The following EVC2 variants were observed in gnomAD, a reference collection of about 807,000 sequenced individuals.
The protein encoded by EVC2 is EvC ciliary complex subunit 2.
In EVC2, 148 loss-of-function variants were observed where a neutral mutation model predicts 149.3. That is an observed-to-expected ratio of 0.99 (90% CI 0.87 to 1.14). The LOEUF (loss-of-function observed/expected upper bound fraction) is 1.14, where lower values mean the gene tolerates loss of function less well. Ranked by LOEUF, EVC2 falls within the 50% of genes most tolerant of loss-of-function variation. The probability of loss-of-function intolerance (pLI) is 0.00; values close to 1 mark genes in which losing one functional copy is unlikely to be tolerated. For missense variants in EVC2, 1,854 were observed against 1,627.3 expected, an observed-to-expected ratio of 1.14 and a Z score of -2.40; for synonymous variants, 776 against 649.9, an observed-to-expected ratio of 1.19 and a Z score of -2.95.
At chr4:5,615,606 C>G in intron 15 of EVC2, 62 bp from the exon 16 acceptor site, 1 of 1,612,732 alleles carries the variant, frequency 6.2e-7, no homozygotes, top group South Asian at 1.1e-5. Context: ...CATGCAGCTC[C>G]CCCGAGGGCT....
At chr4:5,579,751 C>T (rs1216595665) in intron 17 of EVC2, among the ~76,000 whole-genome samples, 1 of 152,058 alleles carries the variant, frequency 6.6e-6, no homozygotes, top group East Asian at 1.9e-4. Context: ...TGGGGGAGGA[C>T]AATCAATTGA....
At chr4:5,663,320 G>A in intron 8 of EVC2, 74 bp from the exon 9 acceptor site, 1 of 1,602,232 alleles carries the variant, frequency 6.2e-7, no homozygotes. Context: ...AGCCAGGAGG[G>A]AAGGCCAGGG....
At chr4:5,533,689 C>A in the EVC2 span, among the ~76,000 whole-genome samples, 1 of 152,154 alleles carries the variant, frequency 6.6e-6, no homozygotes, top group East Asian at 1.9e-4. Context: ...TGCCAGAGTT[C>A]GTTTGCTGGA....
intron 16 of EVC2, among the ~76,000 whole-genome samples, chr4:5,586,522 C>T (rs950608589): frequency 2.6e-5 from 4 of 152,030 alleles, no homozygotes; most frequent in Non-Finnish European, 1.5e-5. Context: ...CTCCTTATAC[C>T]CTCCTTCCTT....
At chr4:5,694,232 GT>G (rs1468901974) in intron 3 of EVC2, 102 bp downstream of exon 3, 4 of 1,241,204 alleles carry the variant, frequency 3.2e-6, no homozygotes, top group East Asian at 2.3e-5. Flanking sequence ...GAGGAATAGG[GT>G]TTTTTTAAGC....
rs752907581 is a variant in EVC2, at chr4:5,631,951, G to C, written c.1552C>G (p.Gln518Glu). Residue 518 changes from glutamine to glutamate, a missense_variant, in exon 11 of 22, where the codon CAA becomes GAA. Transcript: ENST00000344408. ...TGAGCTTTGGCAAAGTCTTCTTCTT[G>C]TTGCAAAGCGAGAGACTTCCTCAAG... is the stretch of plus-strand genomic sequence containing the variant. ...EHLRKSLALQ[Q>E]EEDFAKAHRQ... 1.2e-6 allele frequency: 2 copies of C among 1,614,108 alleles called. No individual in the cohort carries two copies. The highest frequency in any genetic ancestry group is 2.7e-5 in the African/African-American group (2 of 74,942).
intron 7 of EVC2, among the ~76,000 whole-genome samples, chr4:5,666,214 T>A (rs1036445712): frequency 6.1e-5 from 9 of 148,332 alleles, no homozygotes; most frequent in Non-Finnish European, 1.4e-4. Flanking sequence ...TAGCATTTTT[T>A]AGGTTTATAG....
At chr4:5,697,327 G>A (rs547602049) in intron 2 of EVC2, among the ~76,000 whole-genome samples, 36 of 152,274 alleles carry the variant, frequency 2.4e-4, no homozygotes, top group African/African-American at 7.7e-4. Context: ...TAATTCACAC[G>A]TTCTGTTTCA....
chr4:5,671,507 C>T (rs1430275131), intron 7 of EVC2, among the ~76,000 whole-genome samples: 1 of 152,106 alleles, frequency 6.6e-6, no homozygotes, highest in Non-Finnish European at 1.5e-5. Flanking sequence ...TCAAACAATA[C>T]TTTATTTATT....
intron 6 of EVC2, among the ~76,000 whole-genome samples, chr4:5,681,844 T>C (rs1720366082): frequency 6.6e-6 from 1 of 152,170 alleles, no homozygotes; most frequent in African/African-American, 2.4e-5. Context: ...TCTAACCGCA[T>C]GGTGACCGAC....
In EVC2 at chr4:5,668,967, T is replaced by C. The variant is rs551926718; in HGVS notation, c.871-3318A>G. Among the ~76,000 whole-genome samples the C allele has an allele frequency of 3.3e-5, 5 of 152,308 alleles. No homozygotes were observed. The South Asian group carries it at 1.0e-3, about 32-fold the overall frequency. On this transcript the variant is annotated intron_variant, in intron 7 of 21. Coordinates refer to ENST00000344408, the MANE Select transcript of EVC2 (RefSeq NM_147127.5). ...TCACAGTGAGTCCTAAATCCAATGA[T>C]CGTGTCTTCATGAGGAGAGGGAGAT...
chr4:5,666,342 C>A (rs915503784), intron 7 of EVC2, among the ~76,000 whole-genome samples: 1 of 152,008 alleles, frequency 6.6e-6, no homozygotes, highest in South Asian at 2.1e-4. Context: ...TTGCTCACTG[C>A]AGAGTAAAGT....
chr4:5,626,075 T>C (rs1716086914), intron 12 of EVC2, among the ~76,000 whole-genome samples, 167 bp from the exon 13 acceptor site: 1 of 152,110 alleles, frequency 6.6e-6, no homozygotes, highest in South Asian at 2.1e-4. Context: ...ACTAAAGTAC[T>C]AGCAGAGTAA....
chr4:5,557,824 T>A (rs4496533), downstream of EVC2, among the ~76,000 whole-genome samples: 144,654 of 152,162 alleles, frequency 0.95, 68,953 homozygotes, highest in Non-Finnish European at 0.99. Context: ...TACCACCAAA[T>A]TAATATAATT....
At chr4:5,602,061 G>A (rs1048064311) in intron 16 of EVC2, among the ~76,000 whole-genome samples, 1 of 152,222 alleles carries the variant, frequency 6.6e-6, no homozygotes, top group African/African-American at 2.4e-5. Context: ...AAATGCTTGA[G>A]GCCAAGAGTT....
At chr4:5,542,559 G>C (rs934719939), downstream of EVC2, among the ~76,000 whole-genome samples, 1 of 152,192 alleles carries the variant, frequency 6.6e-6, no homozygotes, top group African/African-American at 2.4e-5. Flanking sequence ...TGTCATCTGA[G>C]GAGGATGCAG....
intron 16 of EVC2, among the ~76,000 whole-genome samples, chr4:5,598,930 C>G (rs1486375359): frequency 6.6e-6 from 1 of 152,102 alleles, no homozygotes; most frequent in African/African-American, 2.4e-5. Flanking sequence ...AGACATTTCT[C>G]AAAAGAAGAC....
intron 4 of EVC2, among the ~76,000 whole-genome samples, chr4:5,690,129 A>T (rs910512493): frequency 1.3e-5 from 2 of 152,262 alleles, no homozygotes; most frequent in Admixed American, 6.5e-5. Flanking sequence ...CTATGTATAC[A>T]TGCATGTGCA....
chr4:5,686,029 A>C lies in EVC2; in HGVS notation c.707-550T>G, dbSNP rs184525647. Among the ~76,000 whole-genome samples the C allele has an allele frequency of 1.2e-4, 19 of 152,100 alleles. No homozygotes were observed. The highest frequency in any genetic ancestry group is 8.5e-4 in the Admixed American group (13 of 15,260). ...ATGCCTCATTTCTCAATGTATGCAG[A>C]CCTCAAAAATATATATAGATACATA... On this transcript the variant is annotated intron_variant, in intron 5 of 21. Transcript: ENST00000344408. The surrounding 1 kb of genome is among the most constrained non-coding windows in gnomAD (Gnocchi z 5.4).
Sources: gnomAD v4.1 joint callset for allele counts (sites outside exome capture counted in the v4.1 genomes callset) on GRCh38, gnomAD v4.1.1 for gene constraint, Gnocchi (gnomAD v3.1) non-coding constraint, MANE v1.5 for transcripts, NCBI Gene and HGNC (gene_info 2026-07-23, HGNC 2026-07-21) for gene names.